Variants in ATP2C1 observed in about 807,000 individuals in gnomAD.
ATP2C1 encodes the protein ATPase secretory pathway Ca2+ transporting 1.
In ATP2C1, 31 loss-of-function variants were observed where a neutral mutation model predicts 120.5. The ratio of observed to expected loss-of-function variants is 0.26; its 90% CI spans 0.19 to 0.35. The LOEUF is 0.35. Ranked by LOEUF, ATP2C1 falls within the 10% of genes least tolerant of loss-of-function variation. The pLI, the probability that ATP2C1 is intolerant of heterozygous loss-of-function variation, is 1.00. For missense variants in ATP2C1, 731 were observed against 1,107.5 expected, an observed-to-expected ratio of 0.66 and a Z score of 4.83; for synonymous variants, 351 against 358.7, an observed-to-expected ratio of 0.98 and a Z score of 0.24.
At chr3:130,869,454 A>T (rs2068354009) in intron 1 of ATP2C1, 2 of 122,348 alleles carry the variant, frequency 1.6e-5, no homozygotes, top group Non-Finnish European at 3.7e-5. Flanking sequence ...AAAAAAAAAA[A>T]AAAAAGAAAT....
chr3:130,994,247 G>A (rs1461191593), intron 22 of ATP2C1, 149 bp downstream of exon 22: 1 of 917,730 alleles, frequency 1.1e-6, no homozygotes, highest in East Asian at 2.7e-5. Context: ...CTATTTTATG[G>A]TATGAAGAAG....
At chr3:130,883,556 A>G (rs562178645) in intron 1 of ATP2C1, among the ~76,000 whole-genome samples, 145 of 151,396 alleles carry the variant, frequency 9.6e-4, no homozygotes, top group African/African-American at 3.4e-3. Context: ...GGCTCATGCA[A>G]TTCTTCTGCC....
chr3:130,975,278 G>A (rs2061490533), intron 17 of ATP2C1, 54 bp from the exon 18 acceptor site: 3 of 1,574,870 alleles, frequency 1.9e-6, no homozygotes, highest in Admixed American at 3.3e-5. Context: ...GGACTCCAAT[G>A]GCAGGTAAGT....
At position 131,013,081 on chromosome 3, in the gene ATP2C1, A is replaced by G. The variant is rs577406390; in HGVS notation, c.2630-3071A>G. On this transcript the variant is annotated intron_variant, in intron 26 of 26. Transcript: ENST00000328560. ...AATACAAGTAAAATGAAGGTTGAGT[A>G]TATTTTCAGATCTTGCCCAATGCAT... is the stretch of plus-strand genomic sequence containing the variant. Among the ~76,000 whole-genome samples, 374 of 152,308 alleles carry G rather than the reference A, an allele frequency of 2.5e-3. 1 individual carries two copies. The highest frequency in any genetic ancestry group is 8.7e-3 in the African/African-American group (361 of 41,576).
At chr3:130,851,489 A>G (rs1576506730) in intron 1 of ATP2C1, among the ~76,000 whole-genome samples, 1 of 152,216 alleles carries the variant, frequency 6.6e-6, no homozygotes, top group South Asian at 2.1e-4. Context: ...ATCAAAAGCT[A>G]TGATTTCCAG....
rs1260497881 is a variant in ATP2C1 at position 130,894,707 on chromosome 3, G to T, written c.-63G>T. On this transcript the variant is annotated 5_prime_UTR_variant, in exon 2 of 28. Coordinates refer to ENST00000510168, the MANE Select transcript of ATP2C1 (RefSeq NM_001378687.1). This position sits in a 1 kb window ranked among gnomAD's most constrained non-coding sequence, Gnocchi z 4.5. The stretch of plus-strand genomic sequence containing the variant: ...CCTCCTCCTCTCCTCTCTATTCCCA[G>T]TGTGGCCGTGGCTGACACTAAAGAC... 3 of 1,614,100 alleles carry T rather than the reference G, an allele frequency of 1.9e-6. No individual in the cohort carries two copies. The highest frequency in any genetic ancestry group is 2.5e-6 in the Non-Finnish European group (3 of 1,180,006).
chr3:130,915,736 T>C (rs536058136), intron 2 of ATP2C1, among the ~76,000 whole-genome samples: 7 of 152,144 alleles, frequency 4.6e-5, no homozygotes, highest in African/African-American at 1.7e-4. Flanking sequence ...TAGTGTAGGG[T>C]ATGGAGTGTG....
At chr3:130,862,703 A>G (rs2068056216) in intron 1 of ATP2C1, among the ~76,000 whole-genome samples, 1 of 152,358 alleles carries the variant, frequency 6.6e-6, no homozygotes, top group East Asian at 1.9e-4. Context: ...ATATTCCTGT[A>G]TGTCATTTCT....
At chr3:130,978,786 CA>C (rs1484816665) in intron 18 of ATP2C1, among the ~76,000 whole-genome samples, 6 of 152,150 alleles carry the variant, frequency 3.9e-5, no homozygotes, top group Non-Finnish European at 8.8e-5. Flanking sequence ...GCCTTCTCTT[CA>C]GAGTGTTTAA....
chr3:130,894,598 G>C lies in ATP2C1; in HGVS notation c.-172G>C, dbSNP rs937517579. The C allele has an allele frequency of 1.8e-5, 27 of 1,537,444 alleles. No individual in the cohort carries two copies. The African/African-American group carries it at 3.6e-4, about 20-fold the overall frequency. ...CCTGGTTTCTCTTGCAGATGCTGCT[G>C]CTAGGGGTGGTGGGAGCAGCCGTGG... On this transcript the variant is annotated 5_prime_UTR_variant, in exon 2 of 28. Coordinates refer to ENST00000510168, the MANE Select transcript of ATP2C1 (RefSeq NM_001378687.1). This position sits in a 1 kb window ranked among gnomAD's most constrained non-coding sequence, Gnocchi z 4.5.
At chr3:130,996,613 A>C (rs188147561) in intron 23 of ATP2C1, 67 bp from the exon 24 acceptor site, 2 of 1,054,604 alleles carry the variant, frequency 1.9e-6, no homozygotes, top group East Asian at 4.7e-5. Context: ...AAATGCTAAA[A>C]AAGTGGTATC....
chr3:130,928,095 T>A (rs546261451), intron 2 of ATP2C1: 17 of 152,438 alleles, frequency 1.1e-4, no homozygotes, highest in African/African-American at 3.8e-4. Flanking sequence ...TCACTCTTCA[T>A]CTCCTTGTAT....
At chr3:130,956,434 G>A (rs1352271309) in intron 11 of ATP2C1, among the ~76,000 whole-genome samples, 3 of 151,968 alleles carry the variant, frequency 2.0e-5, no homozygotes, top group African/African-American at 4.8e-5. Context: ...AATGTAATAC[G>A]ATAGTTTTAT....
In ATP2C1 at chr3:130,941,629, A is replaced by G. The variant is rs759885624; in HGVS notation, c.461A>G (p.Asp154Gly). 6.2e-7 allele frequency: 1 copy of G among 1,613,890 alleles called. No individual in the cohort carries two copies. Among genetic ancestry groups the G allele is most frequent in the Non-Finnish European group, 8.5e-7 (1 of 1,179,994 alleles). Residue 154 changes from aspartate (D) to glycine (G), a missense_variant, in exon 8 of 28, where the codon GAC becomes GGC. This residue lies in a region of ATP2C1 where 571 missense variants were observed against 845.9 expected (regional missense o/e 0.67). Coordinates refer to ENST00000510168, the MANE Select transcript of ATP2C1 (RefSeq NM_001378687.1). ...AAATTGGAGCATACACTTGCCCGAG[A>G]CTTGGTTCCAGGTGATACAGTTTGC... ...EGKLEHTLAR[D>G]LVPGDTVCLS...
intron 11 of ATP2C1, among the ~76,000 whole-genome samples, chr3:130,957,242 T>C (rs1305910144): frequency 6.6e-6 from 1 of 152,238 alleles, no homozygotes; most frequent in Non-Finnish European, 1.5e-5. Context: ...TTTTGTTCTG[T>C]TCCTAAAGAT....
upstream of ATP2C1, among the ~76,000 whole-genome samples, chr3:130,891,658 C>G (rs2069171726): frequency 6.6e-6 from 1 of 152,168 alleles, no homozygotes; most frequent in Non-Finnish European, 1.5e-5. Flanking sequence ...TTCCTTGATT[C>G]TCTCTATAAT....
intron 26 of ATP2C1, among the ~76,000 whole-genome samples, chr3:130,999,104 A>G (rs2062769593): frequency 6.6e-6 from 1 of 152,142 alleles, no homozygotes; most frequent in South Asian, 2.1e-4. Context: ...TTATTTTTTT[A>G]TGAAAAGTGG....
rs575959338 is a variant in ATP2C1, at chr3:130,997,854, G to A, written c.2391+101G>A. On this transcript the variant is annotated intron_variant, in intron 25 of 27. Transcript: ENST00000510168. ...TTACCCAGAAGGCTGGGAAGTTAAG[G>A]GAGCTCTTTTAGTGAAAAATATAAG... The A allele has an allele frequency of 1.1e-4, 146 of 1,280,794 alleles. No individual in the cohort carries two copies. In the South Asian group the frequency reaches 1.7e-3, roughly 15 times the overall value. 79.3% of individuals were successfully genotyped at this position (1,280,794 alleles called of 1,614,324 possible). A position where few individuals can be genotyped will look rare whatever the true frequency, so the allele number is the denominator to read the frequency against.
At chr3:130,928,715 T>G (rs529032817) in intron 2 of ATP2C1, among the ~76,000 whole-genome samples, 1 of 152,280 alleles carries the variant, frequency 6.6e-6, no homozygotes, top group South Asian at 2.1e-4. Context: ...ACATCTCTGT[T>G]TAGCCATATT....
Sources: allele counts gnomAD v4.1 joint callset (sites outside exome capture counted in the v4.1 genomes callset), GRCh38; gene constraint gnomAD v4.1.1; regional missense constraint gnomAD v4.1.1; non-coding constraint Gnocchi (gnomAD v3.1); transcripts MANE v1.5; gene names NCBI Gene and HGNC (gene_info 2026-07-23, HGNC 2026-07-21).